HEATR5A: variants seen among roughly 807,000 people sequenced by gnomAD.
HEATR5A encodes the protein HEAT repeat-containing protein 5A.
HEATR5A carries 178 observed loss-of-function variants against 218.8 expected under a neutral mutation model. That is an observed-to-expected ratio of 0.81 (90% CI 0.72 to 0.92). HEATR5A has a LOEUF of 0.92. Among genes scored for constraint, HEATR5A ranks in the 40% least tolerant of loss-of-function variants. The pLI is 0.00. For synonymous variants in HEATR5A, 864 were observed against 871.6 expected (o/e 0.99, Z 0.15); for missense variants, 2,420 against 2,418.9 (o/e 1.00, Z -0.01).
At chr14:31,324,964 C>A (rs1339885429) in intron 23 of HEATR5A, among the ~76,000 whole-genome samples, 1 of 152,188 alleles carries the variant, frequency 6.6e-6, no homozygotes, top group African/African-American at 2.4e-5. Context: ...TTTCTCCTAT[C>A]ACACAATTCA....
intron 22 of HEATR5A, among the ~76,000 whole-genome samples, chr14:31,336,435 C>T (rs191889913): frequency 2.1e-4 from 32 of 151,658 alleles, no homozygotes; most frequent in African/African-American, 5.3e-4. Context: ...ACAGTCCTCT[C>T]GCCTTAGCCT....
intron 33 of HEATR5A, among the ~76,000 whole-genome samples, chr14:31,301,737 C>T (rs1204039862): frequency 6.6e-6 from 1 of 151,860 alleles, no homozygotes; most frequent in Non-Finnish European, 1.5e-5. Flanking sequence ...AAGTGATCCG[C>T]CAGCTTCGGC....
At position 31,358,855 on chromosome 14, in the gene HEATR5A, C is replaced by T. The variant is rs752358735; in HGVS notation, c.2235+39G>A. The T allele has an allele frequency of 3.7e-6, 6 of 1,608,660 alleles. No homozygotes were observed. In the Admixed American group the frequency reaches 6.8e-5, roughly 18 times the overall value. On this transcript the variant is annotated intron_variant, in intron 15 of 35. Coordinates refer to ENST00000543095, the MANE Select transcript of HEATR5A (RefSeq NM_015473.4). ...TATATAAGGTTTTAAAATCACTGAT[C>T]ACAGATTGAATCTAATCAAGAGTAA...
At chr14:31,301,041 C>G (rs1326794133) in intron 33 of HEATR5A, among the ~76,000 whole-genome samples, 2 of 152,130 alleles carry the variant, frequency 1.3e-5, no homozygotes, top group Non-Finnish European at 2.9e-5. Flanking sequence ...CCACCAGATT[C>G]CCAACTTTGG....
At chr14:31,399,190 T>G (rs555108351) in intron 3 of HEATR5A, among the ~76,000 whole-genome samples, 1 of 152,212 alleles carries the variant, frequency 6.6e-6, no homozygotes, top group Non-Finnish European at 1.5e-5. Context: ...AAAGTGACTA[T>G]TTTAAATTTT....
intron 1 of HEATR5A, among the ~76,000 whole-genome samples, chr14:31,417,730 A>T (rs1595195936): frequency 6.6e-6 from 1 of 151,642 alleles, no homozygotes; most frequent in Admixed American, 6.6e-5. Context: ...AGCCTGGGGG[A>T]CAGAGCGAGA....
At chr14:31,312,414 C>CTT (rs1252761450) in intron 28 of HEATR5A, among the ~76,000 whole-genome samples, 6 of 137,580 alleles carry the variant, frequency 4.4e-5, no homozygotes, top group Admixed American at 7.3e-5. Flanking sequence ...TGGGTGTGTC[C>CTT]TTTTTTTTTT....
At chr14:31,318,795 A>G (rs1486262308) in intron 25 of HEATR5A, among the ~76,000 whole-genome samples, 2 of 151,672 alleles carry the variant, frequency 1.3e-5, no homozygotes, top group Non-Finnish European at 2.9e-5. Flanking sequence ...CCTCTCCCCA[A>G]CTCTTAATCC....
Position 31,315,822 on chromosome 14 carries a change from T to A in HEATR5A, c.4166A>T (p.Asn1389Ile). 6.2e-7 allele frequency: 1 copy of A among 1,613,222 alleles called. No homozygotes were observed. Among genetic ancestry groups the A allele is most frequent in the Non-Finnish European group, 8.5e-7 (1 of 1,179,470 alleles). The change falls in exon 27 of 36, where the codon AAT (asparagine) becomes ATT (isoleucine). Residue 1389 changes from asparagine to isoleucine, a missense_variant. Asn to Ile is a moderately radical substitution (Grantham distance 149, BLOSUM62 -3). Transcript: ENST00000543095. The part of the protein sequence containing the change: ...AGKEALSHLY[N>I]ESASTMEILA... Reference sequence around the variant, plus strand: ...GATCTCCATGGTAGAAGCACTTTCATTATATAAGTGACTTAGAGCTTCTTT... The same window carrying A: ...GATCTCCATGGTAGAAGCACTTTCAATATATAAGTGACTTAGAGCTTCTTT...
chr14:31,395,496 T>C (rs2030619875), intron 4 of HEATR5A, 148 bp from the exon 5 acceptor site: 2 of 429,286 alleles, frequency 4.7e-6, no homozygotes, highest in Non-Finnish European at 8.3e-6. Flanking sequence ...AACAAGTTAC[T>C]ATTTTATGAA....
At position 31,359,029 on chromosome 14, in the gene HEATR5A, C is replaced by G; in HGVS notation, c.2100G>C (p.Leu700=). The G allele has an allele frequency of 6.3e-7, 1 of 1,590,146 alleles. No individual in the cohort carries two copies. The highest frequency in any genetic ancestry group is 8.5e-7 in the Non-Finnish European group (1 of 1,174,598). The change falls in exon 15 of 36, where the codon CTG becomes CTC. Residue 700 remains leucine, a synonymous_variant. Coordinates refer to ENST00000543095, the MANE Select transcript of HEATR5A (RefSeq NM_015473.4). ...EGNLCAILRE[L]AADLTAPDIQ... is the part of the protein sequence containing the mutation. ...TATCAGGGGCAGTCAAGTCAGCAGCCAGCTCTCTGAGGATAGCACAGAGGT... is the reference window on the plus strand; with the variant it reads ...TATCAGGGGCAGTCAAGTCAGCAGCGAGCTCTCTGAGGATAGCACAGAGGT...
chr14:31,374,726 G>T, intron 12 of HEATR5A, 90 bp downstream of exon 12: 1 of 1,209,098 alleles, frequency 8.3e-7, no homozygotes, highest in East Asian at 2.5e-5. Flanking sequence ...CCCCTGCCTC[G>T]TGTTAAATAA....
intron 22 of HEATR5A, among the ~76,000 whole-genome samples, chr14:31,334,972 G>C (rs371412347): frequency 7.6e-6 from 1 of 132,348 alleles, no homozygotes. Flanking sequence ...AAAAGAAAAA[G>C]AAATCGCCAC....
intron 28 of HEATR5A, among the ~76,000 whole-genome samples, chr14:31,310,904 C>CT (rs967032429): frequency 1.3e-5 from 2 of 152,006 alleles, no homozygotes; most frequent in African/African-American, 4.8e-5. Context: ...GTCCCAGATG[C>CT]TTAGGAGGGT....
intron 14 of HEATR5A, among the ~76,000 whole-genome samples, chr14:31,360,584 T>G (rs1177121888): frequency 1.3e-5 from 2 of 152,236 alleles, no homozygotes; most frequent in African/African-American, 4.8e-5. Context: ...TCAAAAAATC[T>G]TATCCACAGA....
In HEATR5A at chr14:31,395,330, T is replaced by A. The variant is rs900159728; in HGVS notation, c.466A>T (p.Ile156Phe). The change falls in exon 5 of 36, where the codon ATT (isoleucine) becomes TTT (phenylalanine). Residue 156 changes from isoleucine to phenylalanine, a missense_variant. By Grantham distance (21) the Ile-to-Phe change is conservative. Coordinates refer to ENST00000543095, the MANE Select transcript of HEATR5A (RefSeq NM_015473.4). ...KSAESQGRYEIMLSLQNILNG... is the reference protein window; with the variant it reads ...KSAESQGRYEFMLSLQNILNG... ...AATATATTTTGCAGACTTAGCATAA[T>A]CTCATATCGGCCTTGAGACTTCCAA... The A allele has an allele frequency of 1.3e-6, 2 of 1,522,856 alleles. No individual in the cohort carries two copies. Among genetic ancestry groups the A allele is most frequent in the African/African-American group, 1.4e-5 (1 of 72,704 alleles). The allele number at this position is 1,522,856 out of a possible 1,614,324, so 94.3% of individuals were successfully genotyped here. A position where few individuals can be genotyped will look rare whatever the true frequency, so the allele number is the denominator to read the frequency against.
chr14:31,402,276 G>C (rs1245418188), intron 2 of HEATR5A, among the ~76,000 whole-genome samples: 1 of 152,182 alleles, frequency 6.6e-6, no homozygotes, highest in Non-Finnish European at 1.5e-5. Flanking sequence ...TTTAGGAGAC[G>C]TAGGCTAAAA....
intron 31 of HEATR5A, among the ~76,000 whole-genome samples, chr14:31,305,816 G>C (rs910027560): frequency 7.2e-5 from 11 of 152,138 alleles, no homozygotes; most frequent in Non-Finnish European, 1.5e-4. Flanking sequence ...AAGACAGAAA[G>C]TCACATCCTT....
intron 3 of HEATR5A, among the ~76,000 whole-genome samples, chr14:31,399,651 G>A (rs947743240): frequency 8.5e-5 from 13 of 152,122 alleles, no homozygotes; most frequent in Admixed American, 2.6e-4. Context: ...CCAACATGGT[G>A]AAACCCCGTA....
Sources: gnomAD v4.1 joint callset for allele counts (sites outside exome capture counted in the v4.1 genomes callset) on GRCh38, gnomAD v4.1.1 for gene constraint, MANE v1.5 for transcripts, NCBI Gene and HGNC (gene_info 2026-07-23, HGNC 2026-07-21) for gene names.